The following AOPEP variants were observed in gnomAD, a reference collection of about 807,000 sequenced individuals.
AOPEP encodes the protein aminopeptidase O (putative), also known as aminopeptidase O.
A neutral mutation model predicts 98.1 loss-of-function variants in AOPEP; 77 were observed. That is an observed-to-expected ratio of 0.78 (90% CI 0.65 to 0.95). AOPEP has a LOEUF of 0.95. AOPEP is among the 40% of genes least tolerant of loss of function. AOPEP has a pLI of 0.00. For missense variants in AOPEP, 1,024 were observed against 1,024.7 expected, an observed-to-expected ratio of 1.00 and a Z score of 0.01; for synonymous variants, 346 against 365.3, an observed-to-expected ratio of 0.95 and a Z score of 0.60.
chr9:95,125,245 C>T, the AOPEP span: 2 of 1,358,902 alleles, frequency 1.5e-6, no homozygotes, highest in African/African-American at 1.4e-5. Context: ...AACATGAAAA[C>T]CTGCACTGTA....
Position 94,927,636 on chromosome 9 carries a change from G to A in AOPEP, c.1555-789G>A, listed in dbSNP as rs575659084. 8.7e-4 allele frequency among the ~76,000 whole-genome samples: 132 copies of A among 152,242 alleles called. 2 individuals are homozygous for A. The highest frequency in any genetic ancestry group is 3.0e-3 in the African/African-American group (125 of 41,534). ...TCTGGGTTCTCCCTTCACCTCTCCC[G>A]TCACCTGCTCTCTGATGTTAGTGTT... is the stretch of plus-strand genomic sequence containing the variant. On this transcript the variant is annotated intron_variant, in intron 6 of 16. Coordinates refer to ENST00000375315, the MANE Select transcript of AOPEP (RefSeq NM_001193329.3).
intron 2 of AOPEP, among the ~76,000 whole-genome samples, chr9:94,768,563 T>TG (rs1364843170): frequency 6.6e-6 from 1 of 152,222 alleles, no homozygotes; most frequent in African/African-American, 2.4e-5. Flanking sequence ...ACTCTGCAAA[T>TG]GCACAAACAT....
At chr9:94,741,283 A>AT (rs1160610184) in intron 1 of AOPEP, among the ~76,000 whole-genome samples, 1 of 125,036 alleles carries the variant, frequency 8.0e-6, no homozygotes, top group African/African-American at 3.6e-5. Flanking sequence ...TTATTTTTTT[A>AT]TTTTTTTGAG....
chr9:94,918,895 ATT>A (rs113503897), intron 5 of AOPEP, among the ~76,000 whole-genome samples: 8 of 143,272 alleles, frequency 5.6e-5, no homozygotes, highest in Non-Finnish European at 3.1e-5. Context: ...ATGTTTTACT[ATT>A]TTTTTTTTTT....
intron 11 of AOPEP, among the ~76,000 whole-genome samples, chr9:94,979,844 T>C (rs2060072387): frequency 6.6e-6 from 1 of 152,170 alleles, no homozygotes; most frequent in Non-Finnish European, 1.5e-5. Context: ...AGGAGTTGGT[T>C]TGCTGCCGCC....
At chr9:95,004,207 G>C (rs1418915111) in intron 11 of AOPEP, 1 of 456,108 alleles carries the variant, frequency 2.2e-6, no homozygotes, top group South Asian at 1.5e-5. Context: ...CCGGCAGGCG[G>C]GTTCCAGCAA....
chr9:95,090,129 G>A (rs1285139587), downstream of AOPEP, among the ~76,000 whole-genome samples: 2 of 152,238 alleles, frequency 1.3e-5, no homozygotes, highest in African/African-American at 4.8e-5. Context: ...GGCAGAGGCC[G>A]CAACACGCCA....
intron 7 of AOPEP, among the ~76,000 whole-genome samples, chr9:94,935,938 AG>A (rs1444922397): frequency 6.6e-6 from 1 of 152,148 alleles, no homozygotes; most frequent in Non-Finnish European, 1.5e-5. Context: ...CACCCACAAC[AG>A]GGTAGGAGAC....
chr9:94,820,339 G>A (rs2134172464), intron 5 of AOPEP, among the ~76,000 whole-genome samples: 1 of 152,206 alleles, frequency 6.6e-6, no homozygotes, highest in South Asian at 2.1e-4. Flanking sequence ...TTAACCCCCT[G>A]TGTTCCTTCA....
At chr9:95,125,285 G>T in the AOPEP span, 1 of 915,226 alleles carries the variant, frequency 1.1e-6, no homozygotes. Flanking sequence ...CTTTTTTTGT[G>T]CCATAAGCTT....
At chr9:95,085,147 G>T in intron 16 of AOPEP, 1 of 434,820 alleles carries the variant, frequency 2.3e-6, no homozygotes, top group Non-Finnish European at 4.9e-6. Flanking sequence ...GAAGGCGGCA[G>T]TGTCGCCGGC....
intron 7 of AOPEP, among the ~76,000 whole-genome samples, chr9:94,945,979 G>C (rs973071542): frequency 2.0e-5 from 3 of 152,142 alleles, no homozygotes; most frequent in Non-Finnish European, 4.4e-5. Context: ...CCTTAACCCT[G>C]ATAGATGAAC....
chr9:94,801,071 C>T (rs1398784046), intron 5 of AOPEP, 69 bp downstream of exon 5: 2 of 1,558,748 alleles, frequency 1.3e-6, no homozygotes, highest in South Asian at 1.1e-5. Flanking sequence ...TCTTGCTTTC[C>T]TTGAGCTCTG....
In AOPEP at chr9:94,981,571, T is replaced by C. The variant is rs531216927; in HGVS notation, c.1977+2144T>C. Among the ~76,000 whole-genome samples, 201 of 152,328 alleles carry C rather than the reference T, an allele frequency of 1.3e-3. 2 individuals are homozygous for C. Among genetic ancestry groups the C allele is most frequent in the African/African-American group, 4.6e-3 (192 of 41,576 alleles). ...CGGCCATGATTTCTGCGGCTGCTGC[T>C]GATTTATCTACTCTCAGCCCCTTTC... On this transcript the variant is annotated intron_variant, in intron 11 of 16. Transcript: ENST00000375315.
intron 5 of AOPEP, among the ~76,000 whole-genome samples, chr9:94,911,589 G>A (rs1011927538): frequency 3.9e-5 from 6 of 152,194 alleles, no homozygotes; most frequent in Admixed American, 3.9e-4. Context: ...TGTGTCTGAA[G>A]CATACAAGGT....
chr9:94,937,889 T>G (rs1379177790), intron 7 of AOPEP, among the ~76,000 whole-genome samples: 1 of 152,218 alleles, frequency 6.6e-6, no homozygotes, highest in African/African-American at 2.4e-5. Flanking sequence ...TTTTTCTTTT[T>G]TGAGATGGAA....
At chr9:94,973,406 T>C (rs1391716874) in intron 10 of AOPEP, among the ~76,000 whole-genome samples, 1 of 152,222 alleles carries the variant, frequency 6.6e-6, no homozygotes, top group African/African-American at 2.4e-5. Context: ...GCCTGTTGAT[T>C]TATTTTAACT....
chr9:94,889,166 G>T (rs1007778753), intron 5 of AOPEP, among the ~76,000 whole-genome samples: 3 of 152,090 alleles, frequency 2.0e-5, no homozygotes, highest in Non-Finnish European at 2.9e-5. Flanking sequence ...GCTAATTTTT[G>T]TATTTTTAGT....
chr9:95,048,004 A>T (rs1408158532), intron 13 of AOPEP, among the ~76,000 whole-genome samples: 1 of 152,206 alleles, frequency 6.6e-6, no homozygotes, highest in Non-Finnish European at 1.5e-5. Flanking sequence ...TTCACATGAT[A>T]TAAGCTATAA....
Sources: allele counts gnomAD v4.1 joint callset (sites outside exome capture counted in the v4.1 genomes callset), GRCh38; gene constraint gnomAD v4.1.1; transcripts MANE v1.5; gene names NCBI Gene and HGNC (gene_info 2026-07-23, HGNC 2026-07-21).